HMCN2: variants seen among roughly 807,000 people sequenced by gnomAD.
The protein encoded by HMCN2 is hemicentin 2, also known as hemicentin-2.
HMCN2 carries 325 observed loss-of-function variants against 377.5 expected under a neutral mutation model. The observed-to-expected ratio is 0.86, with a 90% CI of 0.79 to 0.94. The LOEUF is 0.94. Among genes scored for constraint, HMCN2 ranks in the 40% least tolerant of loss-of-function variants. The pLI, the probability that HMCN2 is intolerant of heterozygous loss-of-function variation, is 0.00. For synonymous variants in HMCN2, 2,007 were observed against 2,046.8 expected (o/e 0.98, Z 0.53); for missense variants, 4,543 against 4,725.3 (o/e 0.96, Z 1.13).
rs1274896601 is a variant in HMCN2 at position 130,391,517 on chromosome 9, T to G, written c.9895T>G (p.Cys3299Gly). ...GGCCTCGGACGCGGGTGCCTACACC[T>G]GCGTGGCCCACAACCCAGCCGGGGA... ...LRASDAGAYT[C>G]VAHNPAGEDA... Residue 3299 changes from cysteine (C) to glycine (G), a missense_variant, in exon 65 of 98, where the codon TGC becomes GGC. Physicochemically the swap from Cys to Gly is radical, Grantham distance 159. This residue lies in a region of HMCN2 where 1,073 missense variants were observed against 1,319.5 expected (regional missense o/e 0.81). Transcript: ENST00000683500. 1.0e-6 allele frequency: 1 copy of G among 987,764 alleles called. No homozygotes were observed. The highest frequency in any genetic ancestry group is 1.1e-4 in the East Asian group (1 of 8,794). The allele number at this position is 987,764 out of a possible 1,614,324, so 61.2% of individuals were successfully genotyped here.
intron 4 of HMCN2, among the ~76,000 whole-genome samples, chr9:130,287,948 G>A (rs752797634): frequency 1.3e-5 from 2 of 152,150 alleles, no homozygotes; most frequent in Non-Finnish European, 1.5e-5. Flanking sequence ...TTAGATTAGC[G>A]TGCCTTAACT....
chr9:130,395,396 C>A, intron 71 of HMCN2, 49 bp downstream of exon 71: 1 of 1,245,370 alleles, frequency 8.0e-7, no homozygotes, highest in Non-Finnish European at 1.0e-6. Context: ...CCCGCTCAGG[C>A]CTCAGACCTG....
chr9:130,395,027 G>C lies in HMCN2; in HGVS notation c.10693G>C (p.Val3565Leu). The change falls in exon 70 of 98, where the codon GTT (valine) becomes CTT (leucine). Residue 3565 changes from valine to leucine, a missense_variant and splice_region_variant. By Grantham distance (32) the Val-to-Leu change is conservative. This residue lies in a region of HMCN2 where 1,073 missense variants were observed against 1,319.5 expected (regional missense o/e 0.81). Transcript: ENST00000683500. ...TRVLRVENVQ[V>L]RDAGLYTCLA... ...GCTGCTCAACCCGCTCCATCCCCAG[G>C]TTAGGGATGCTGGGCTGTACACTTG... 7.8e-7 allele frequency: 1 copy of C among 1,284,668 alleles called. No individual in the cohort carries two copies. The highest frequency in any genetic ancestry group is 1.0e-6 in the Non-Finnish European group (1 of 986,730). 79.6% of individuals were successfully genotyped at this position (1,284,668 alleles called of 1,614,324 possible). A position where few individuals can be genotyped will look rare whatever the true frequency, so the allele number is the denominator to read the frequency against.
chr9:130,400,365 C>G (rs865992399), intron 76 of HMCN2: 4 of 161,962 alleles, frequency 2.5e-5, no homozygotes, highest in Non-Finnish European at 5.4e-5. Context: ...GTGCACTATG[C>G]TGATTGGGTG....
chr9:130,410,628 A>G lies in HMCN2; in HGVS notation c.12937A>G (p.Lys4313Glu). The change falls in exon 85 of 98, where the codon AAA (lysine) becomes GAA (glutamate). Residue 4313 changes from lysine to glutamate, a missense_variant. Physicochemically the swap from Lys to Glu is moderately conservative, Grantham distance 56. Transcript: ENST00000683500. ...AGAGAATGAGATGGGCGTGGCGAAG[A>G]AAGTGGTGATCCTCGTCCTGCAGAG... ...LAENEMGVAK[K>E]VVILVLQSAP... The G allele has an allele frequency of 6.4e-7, 1 of 1,550,576 alleles. No homozygotes were observed. Among genetic ancestry groups the G allele is most frequent in the Non-Finnish European group, 8.7e-7 (1 of 1,146,978 alleles).
chr9:130,345,134 G>C (rs946744614), intron 25 of HMCN2, among the ~76,000 whole-genome samples: 75 of 149,530 alleles, frequency 5.0e-4, no homozygotes, highest in African/African-American at 1.8e-3. Context: ...TGTGTGGTGT[G>C]TGCACAGTGT....
intron 8 of HMCN2, among the ~76,000 whole-genome samples, chr9:130,300,957 G>A (rs566466000): frequency 2.3e-3 from 355 of 152,340 alleles, no homozygotes; most frequent in South Asian, 4.1e-3. Context: ...GAGGTGGCCC[G>A]AGGGGAGCTT....
chr9:130,277,721 C>CCACCACCACCATCATCATCAT (rs1834774487), intron 1 of HMCN2, among the ~76,000 whole-genome samples: 1 of 148,114 alleles, frequency 6.8e-6, no homozygotes, highest in Admixed American at 6.8e-5. Context: ...ATCATCACCA[C>CCACCACCACCATCATCATCAT]CACCACCACC....
chr9:130,317,387 C>G (rs1253513712), intron 15 of HMCN2, among the ~76,000 whole-genome samples: 4 of 151,906 alleles, frequency 2.6e-5, no homozygotes, highest in African/African-American at 9.7e-5. Flanking sequence ...AAATGGTACC[C>G]TTTACACTTG....
intron 7 of HMCN2, among the ~76,000 whole-genome samples, chr9:130,297,839 A>G (rs1269844618): frequency 2.6e-5 from 4 of 152,204 alleles, no homozygotes; most frequent in African/African-American, 9.6e-5. Context: ...GAGAGCTAAG[A>G]TATCCTATGT....
rs181057887 is a variant in HMCN2 at position 130,385,313 on chromosome 9, G to A, written c.9107-247G>A. ...GTAGGAAAAAGCCTGGGTGGGGGCG[G>A]GCGACAGCATCTCCCCCATCTAGGA... is the stretch of plus-strand genomic sequence containing the variant. On this transcript the variant is annotated intron_variant, in intron 59 of 97. Transcript: ENST00000683500. 2.1e-3 allele frequency among the ~76,000 whole-genome samples: 316 copies of A among 152,236 alleles called. 2 individuals carry two copies. The highest frequency in any genetic ancestry group is 7.2e-3 in the African/African-American group (299 of 41,524).
At chr9:130,405,546 C>A (rs1843050513) in intron 81 of HMCN2, among the ~76,000 whole-genome samples, 1 of 152,166 alleles carries the variant, frequency 6.6e-6, no homozygotes, top group Non-Finnish European at 1.5e-5. Context: ...ACCCGGCCAC[C>A]CAGGGAGCCT....
chr9:130,369,454 C>A lies in HMCN2; in HGVS notation c.6788-116C>A, dbSNP rs567548430. On this transcript the variant is annotated intron_variant, in intron 44 of 97. Coordinates refer to ENST00000683500, the MANE Select transcript of HMCN2 (RefSeq NM_001291815.2). The surrounding 1 kb of genome is among the most constrained non-coding windows in gnomAD (Gnocchi z 4.5). ...GAAAATGGAGGTGAGGTCACGAGGTCACACAGCCAGCGATGGCAAGGGGAG... is the reference window on the plus strand; with the variant it reads ...GAAAATGGAGGTGAGGTCACGAGGTAACACAGCCAGCGATGGCAAGGGGAG... 2 of 488,190 alleles carry A rather than the reference C, an allele frequency of 4.1e-6. No homozygotes were observed. The highest frequency in any genetic ancestry group is 6.4e-5 in the Admixed American group (1 of 15,674). 30.2% of individuals were successfully genotyped at this position (488,190 alleles called of 1,614,324 possible). A position where few individuals can be genotyped will look rare whatever the true frequency, so the allele number is the denominator to read the frequency against.
At chr9:130,392,360 C>T (rs1810811859) in intron 66 of HMCN2, among the ~76,000 whole-genome samples, 1 of 152,148 alleles carries the variant, frequency 6.6e-6, no homozygotes, top group African/African-American at 2.4e-5. Flanking sequence ...GAGAGACCAA[C>T]TGGGCCACAG....
At chr9:130,301,522 C>T (rs1836512696) in intron 8 of HMCN2, among the ~76,000 whole-genome samples, 2 of 152,178 alleles carry the variant, frequency 1.3e-5, no homozygotes, top group Admixed American at 6.5e-5. Context: ...CCTGTGGTCC[C>T]ATTTAGCTCA....
intron 37 of HMCN2, among the ~76,000 whole-genome samples, chr9:130,359,954 A>G: frequency 6.6e-6 from 1 of 152,122 alleles, no homozygotes; most frequent in Non-Finnish European, 1.5e-5. Context: ...GATGCAGGGA[A>G]GCTGCAGATA....
At chr9:130,313,899 C>T (rs1467060256) in intron 15 of HMCN2, among the ~76,000 whole-genome samples, 2 of 151,478 alleles carry the variant, frequency 1.3e-5, no homozygotes, top group Admixed American at 1.3e-4. Context: ...CTTGCCTCAG[C>T]CTCCCAAGTA....
intron 85 of HMCN2, among the ~76,000 whole-genome samples, chr9:130,411,881 T>TACA (rs34355104): frequency 0.58 from 87,872 of 151,698 alleles, 26,716 homozygotes; most frequent in East Asian, 0.81. Context: ...CTGGAGATTG[T>TACA]ACAATGTCAA....
intron 82 of HMCN2, 60 bp downstream of exon 82, chr9:130,406,228 G>C (rs773289620): frequency 7.9e-7 from 1 of 1,264,440 alleles, no homozygotes; most frequent in South Asian, 1.2e-5. Flanking sequence ...GTTAAGAAGG[G>C]AGGGCAGGTG....
Sources: gnomAD v4.1 joint callset for allele counts (sites outside exome capture counted in the v4.1 genomes callset) on GRCh38, gnomAD v4.1.1 for gene constraint, gnomAD v4.1.1 regional missense constraint, Gnocchi (gnomAD v3.1) non-coding constraint, MANE v1.5 for transcripts, NCBI Gene and HGNC (gene_info 2026-07-23, HGNC 2026-07-21) for gene names.